The following TMTC1 variants were observed in gnomAD, a reference collection of about 807,000 sequenced individuals.
TMTC1 encodes the protein transmembrane O-mannosyltransferase targeting cadherins 1, also known as protein O-mannosyl-transferase TMTC1.
In TMTC1, 73 loss-of-function variants were observed where a neutral mutation model predicts 104.8. That is an observed-to-expected ratio of 0.70 (90% CI 0.58 to 0.85). TMTC1 has a LOEUF of 0.85. Ranked by LOEUF, TMTC1 falls within the 40% of genes least tolerant of loss-of-function variation. TMTC1 has a pLI of 0.00. For missense variants in TMTC1, 1,035 were observed against 1,096.1 expected (o/e 0.94, Z 0.79); for synonymous variants, 434 against 428.7 (o/e 1.01, Z -0.15).
At chr12:29,591,853 G>A (rs936509844) in intron 7 of TMTC1, among the ~76,000 whole-genome samples, 1 of 152,162 alleles carries the variant, frequency 6.6e-6, no homozygotes, top group Admixed American at 6.5e-5. Flanking sequence ...GCGAATTGTT[G>A]TGTAATAGTT....
At chr12:29,716,891 T>C (rs944069333) in intron 5 of TMTC1, among the ~76,000 whole-genome samples, 1 of 152,184 alleles carries the variant, frequency 6.6e-6, no homozygotes, top group African/African-American at 2.4e-5. Context: ...GGCGGGCACC[T>C]GTAGTCTCAG....
chr12:29,721,627 A>T (rs1942239745), intron 5 of TMTC1, among the ~76,000 whole-genome samples: 1 of 152,142 alleles, frequency 6.6e-6, no homozygotes. Context: ...TCCTTTCAGC[A>T]ACTGAGAGAT....
At chr12:29,633,464 G>A in intron 5 of TMTC1, 128 bp from the exon 6 acceptor site, 2 of 765,050 alleles carry the variant, frequency 2.6e-6, no homozygotes, top group Non-Finnish European at 4.0e-6. Flanking sequence ...AGAAGACAAG[G>A]GAAGATGGAA....
At chr12:29,649,539 C>G (rs1939422833) in intron 5 of TMTC1, among the ~76,000 whole-genome samples, 1 of 152,236 alleles carries the variant, frequency 6.6e-6, no homozygotes, top group Non-Finnish European at 1.5e-5. Context: ...CCTCACCACC[C>G]TTCTAGAGAA....
At chr12:29,610,817 G>A (rs1565708460) in intron 6 of TMTC1, among the ~76,000 whole-genome samples, 2 of 152,190 alleles carry the variant, frequency 1.3e-5, no homozygotes, top group Non-Finnish European at 2.9e-5. Context: ...AGTTGGGACA[G>A]AAAATGGCTC....
At chr12:29,624,271 C>T (rs371442395) in intron 6 of TMTC1, among the ~76,000 whole-genome samples, 73 of 152,126 alleles carry the variant, frequency 4.8e-4, no homozygotes, top group Non-Finnish European at 7.2e-4. Flanking sequence ...TGAGCCACTG[C>T]GCCCAGCAAG....
Position 29,780,105 on chromosome 12 carries a change from A to T in TMTC1, c.302+3345T>A, listed in dbSNP as rs151282545. Among the ~76,000 whole-genome samples the T allele has an allele frequency of 2.3e-3, 358 of 152,354 alleles. 2 individuals are homozygous for T. The highest frequency in any genetic ancestry group is 3.6e-3 in the Non-Finnish European group (242 of 68,024). On this transcript the variant is annotated intron_variant, in intron 1 of 17. Coordinates refer to ENST00000539277, the MANE Select transcript of TMTC1 (RefSeq NM_001193451.2). ...AGTATGGCAGCTTCATATAAAGCAT[A>T]TGAACATGCAGCCACCATATGGCCC...
chr12:29,770,813 T>C (rs764178483), intron 1 of TMTC1, among the ~76,000 whole-genome samples: 4 of 152,170 alleles, frequency 2.6e-5, no homozygotes, highest in Non-Finnish European at 4.4e-5. Flanking sequence ...CGAAAGCTTC[T>C]AGCGTATTCT....
At chr12:29,607,867 C>A (rs574299590) in intron 6 of TMTC1, among the ~76,000 whole-genome samples, 2 of 152,076 alleles carry the variant, frequency 1.3e-5, no homozygotes, top group Admixed American at 6.5e-5. Context: ...ATTTTTTGGG[C>A]GTTGTGAGCT....
rs116249339 is a variant in TMTC1, at chr12:29,759,803, T to C, written c.481-1026A>G. Among the ~76,000 whole-genome samples, 715 of 152,182 alleles carry C rather than the reference T, an allele frequency of 4.7e-3. 7 individuals carry two copies. The highest frequency in any genetic ancestry group is 0.016 in the African/African-American group (677 of 41,520). On this transcript the variant is annotated intron_variant, in intron 2 of 17. Transcript: ENST00000539277. ...TTATAAAATGACAGTCAAAAGGTCA[T>C]AGAAGCCAGGACAATGGGATCCCAC...
intron 5 of TMTC1, among the ~76,000 whole-genome samples, chr12:29,643,063 C>T (rs953210053): frequency 2.0e-5 from 3 of 151,918 alleles, no homozygotes; most frequent in African/African-American, 4.8e-5. Context: ...CACTAATGAT[C>T]GGGGAAATGC....
At chr12:29,663,474 T>C (rs1168227717) in intron 5 of TMTC1, among the ~76,000 whole-genome samples, 1 of 152,150 alleles carries the variant, frequency 6.6e-6, no homozygotes, top group Non-Finnish European at 1.5e-5. Flanking sequence ...TTCCTTTCTA[T>C]AGAACAACAA....
intron 8 of TMTC1, 102 bp from the exon 9 acceptor site, chr12:29,572,320 C>A (rs1259112128): frequency 1.8e-5 from 18 of 975,476 alleles, no homozygotes; most frequent in Non-Finnish European, 2.6e-5. Context: ...TTGAAATGTC[C>A]GTTGTATTCT....
intron 9 of TMTC1, among the ~76,000 whole-genome samples, chr12:29,567,121 T>A (rs533844389): frequency 2.0e-5 from 3 of 152,192 alleles, no homozygotes; most frequent in Non-Finnish European, 4.4e-5. Flanking sequence ...GAGCTCCCCA[T>A]GGGATCAGCT....
At chr12:29,740,880 T>G (rs1280881387) in intron 5 of TMTC1, among the ~76,000 whole-genome samples, 1 of 152,192 alleles carries the variant, frequency 6.6e-6, no homozygotes, top group East Asian at 1.9e-4. Context: ...GTTTTGACCT[T>G]GCCAGTTCCT....
At chr12:29,729,792 C>T (rs868597270) in intron 5 of TMTC1, among the ~76,000 whole-genome samples, 2 of 152,076 alleles carry the variant, frequency 1.3e-5, no homozygotes, top group African/African-American at 2.4e-5. Flanking sequence ...TGCACGTGTA[C>T]TATGTGCCAG....
At chr12:29,571,965 A>G in intron 9 of TMTC1, 140 bp downstream of exon 9, 3 of 634,600 alleles carry the variant, frequency 4.7e-6, no homozygotes, top group Non-Finnish European at 8.3e-6. Context: ...CTCAGAGTCC[A>G]AGAGCTACCC....
chr12:29,643,830 T>C (rs1464431587), intron 5 of TMTC1, among the ~76,000 whole-genome samples: 2 of 68,370 alleles, frequency 2.9e-5, no homozygotes, highest in South Asian at 7.9e-4. Flanking sequence ...TTTATATATT[T>C]ATATATATTT....
At chr12:29,609,433 G>A (rs1447265622) in intron 6 of TMTC1, among the ~76,000 whole-genome samples, 1 of 152,168 alleles carries the variant, frequency 6.6e-6, no homozygotes, top group Non-Finnish European at 1.5e-5. Context: ...ATTCCTTGAT[G>A]GTAGTCACCA....
Sources: gnomAD v4.1 joint callset for allele counts (sites outside exome capture counted in the v4.1 genomes callset) on GRCh38, gnomAD v4.1.1 for gene constraint, MANE v1.5 for transcripts, NCBI Gene and HGNC (gene_info 2026-07-23, HGNC 2026-07-21) for gene names.